ANAPC1: variants seen among roughly 807,000 people sequenced by gnomAD.
The protein encoded by ANAPC1 is anaphase promoting complex subunit 1.
A neutral mutation model predicts 208.0 loss-of-function variants in ANAPC1; 36 were observed. The observed-to-expected ratio is 0.17, with a 90% CI of 0.13 to 0.23. The LOEUF is 0.23. Among genes scored for constraint, ANAPC1 ranks in the 10% least tolerant of loss-of-function variants. The pLI is 1.00. For missense variants in ANAPC1, 942 were observed against 2,011.6 expected (o/e 0.47, Z 10.17); for synonymous variants, 378 against 695.2 (o/e 0.54, Z 7.18).
chr2:111,874,236 G>T (rs1223194520), intron 3 of ANAPC1, among the ~76,000 whole-genome samples: 3 of 151,118 alleles, frequency 2.0e-5, no homozygotes, highest in South Asian at 2.1e-4. Context: ...AGCATTTTGT[G>T]TTTTTTTTTA....
In ANAPC1 at chr2:111,832,937, C is replaced by CAAAAAAAAAAAAAAAAAAAAA. The variant is rs908553180; in HGVS notation, c.2476+282_2476+283insTTTTTTTTTTTTTTTTTTTTT. Among the ~76,000 whole-genome samples the CAAAAAAAAAAAAAAAAAAAAA allele has an allele frequency of 1.7e-3, 89 of 53,596 alleles. 9 individuals are homozygous for CAAAAAAAAAAAAAAAAAAAAA. Among genetic ancestry groups the CAAAAAAAAAAAAAAAAAAAAA allele is most frequent in the East Asian group, 7.4e-3 (11 of 1,496 alleles). 35.2% of individuals were successfully genotyped at this position (53,596 alleles called of 152,430 possible). A position where few individuals can be genotyped will look rare whatever the true frequency, so the allele number is the denominator to read the frequency against. On this transcript the variant is annotated intron_variant, in intron 20 of 47. Transcript: ENST00000341068. ...TGGGTGACAGAGCGAGACTCAGTCT[C>CAAAAAAAAAAAAAAAAAAAAA]AAAAAAAAAAAAAAAAAAAGCATCC... is the stretch of plus-strand genomic sequence containing the variant.
intron 20 of ANAPC1, among the ~76,000 whole-genome samples, chr2:111,831,846 A>AAAAAAAAAG (rs4019125): frequency 6.8e-5 from 6 of 88,284 alleles, no homozygotes; most frequent in African/African-American, 1.3e-4. Context: ...AAAAAAAAAA[A>AAAAAAAAAG]GAATAACGTT....
At chr2:111,877,096 CTAAATACT>C (rs1342965528) in intron 3 of ANAPC1, among the ~76,000 whole-genome samples, 1 of 150,834 alleles carries the variant, frequency 6.6e-6, no homozygotes, top group Non-Finnish European at 1.5e-5. Flanking sequence ...CATTTCACCC[CTAAATACT>C]TCACCATGCC....
chr2:111,874,650 A>G (rs912061005), intron 3 of ANAPC1, among the ~76,000 whole-genome samples: 3 of 152,250 alleles, frequency 2.0e-5, no homozygotes, highest in Middle Eastern at 6.8e-3. Context: ...CATATACCAC[A>G]TTTGTTTATC....
Position 111,838,493 on chromosome 2 carries a change from A to G in ANAPC1, c.2060T>C (p.Leu687Pro), listed in dbSNP as rs1680594046. 9 of 1,607,358 alleles carry G rather than the reference A, an allele frequency of 5.6e-6. No individual in the cohort carries two copies. Among genetic ancestry groups the G allele is most frequent in the Non-Finnish European group, 7.6e-6 (9 of 1,178,030 alleles). The change falls in exon 18 of 48, where the codon CTT (leucine) becomes CCT (proline). Residue 687 changes from leucine to proline, a missense_variant. Leu to Pro is a moderately conservative substitution (Grantham distance 98, BLOSUM62 -3). Coordinates refer to ENST00000341068, the MANE Select transcript of ANAPC1 (RefSeq NM_022662.4). ...WTRNFDFEGS[L>P]SPVIAPKKAR... ...TTTTTTGGGCGCAATGACAGGAGAA[A>G]GTGATCCTTCAAAGTCAAACTGAAA...
chr2:111,873,910 TTTAAA>T (rs1241467944), intron 3 of ANAPC1, among the ~76,000 whole-genome samples: 2 of 151,934 alleles, frequency 1.3e-5, no homozygotes. Context: ...GAATTAAAAT[TTTAAA>T]TTAAAAAAAT....
At chr2:111,852,464 CTT>C (rs1681456460) in intron 13 of ANAPC1, among the ~76,000 whole-genome samples, 1 of 152,226 alleles carries the variant, frequency 6.6e-6, no homozygotes, top group East Asian at 1.9e-4. Context: ...CTGCCCTACT[CTT>C]TGCAAACACC....
chr2:111,878,961 T>C lies in ANAPC1; in HGVS notation c.224A>G (p.Gln75Arg). 6.3e-7 allele frequency: 1 copy of C among 1,584,894 alleles called. No individual in the cohort carries two copies. Among genetic ancestry groups the C allele is most frequent in the Non-Finnish European group, 8.5e-7 (1 of 1,171,594 alleles). The change falls in exon 3 of 48, where the codon CAG (glutamine) becomes CGG (arginine). Residue 75 changes from glutamine to arginine, a missense_variant. Coordinates refer to ENST00000341068, the MANE Select transcript of ANAPC1 (RefSeq NM_022662.4). ...TIHEKQKESW[Q>R]LRKGVSEIGE... ...AATTTCACTTACTCCTTTCCTTAAC[T>C]GCCAGCTTTCCTTAAAAATTAACAC... is the stretch of plus-strand genomic sequence containing the variant.
intron 38 of ANAPC1, among the ~76,000 whole-genome samples, chr2:111,792,028 T>A (rs964469326): frequency 6.6e-6 from 1 of 151,796 alleles, no homozygotes; most frequent in African/African-American, 2.4e-5. Context: ...TGGTAAACGA[T>A]TTTGTTTGTG....
At chr2:111,825,367 G>A (rs958057927) in intron 22 of ANAPC1, among the ~76,000 whole-genome samples, 200 bp from the exon 23 acceptor site, 8 of 152,120 alleles carry the variant, frequency 5.3e-5, no homozygotes, top group Admixed American at 1.3e-4. Context: ...CACCCCATGC[G>A]TACCCAAATC....
At chr2:111,875,816 C>A (rs1167190806) in intron 3 of ANAPC1, among the ~76,000 whole-genome samples, 2 of 152,204 alleles carry the variant, frequency 1.3e-5, no homozygotes, top group African/African-American at 2.4e-5. Context: ...AAAAAGTCAT[C>A]TTTTTCCATA....
intron 9 of ANAPC1, among the ~76,000 whole-genome samples, chr2:111,863,294 G>A (rs912847717): frequency 6.6e-6 from 1 of 151,688 alleles, no homozygotes; most frequent in Non-Finnish European, 1.5e-5. Flanking sequence ...AGATCACAAG[G>A]TCAGGAGATC....
intron 34 of ANAPC1, among the ~76,000 whole-genome samples, chr2:111,796,231 AAAAAT>A (rs937499645): frequency 6.7e-6 from 1 of 149,930 alleles, no homozygotes; most frequent in Non-Finnish European, 1.5e-5. Context: ...TCTCAGTCTC[AAAAAT>A]AAAATAAAAT....
intron 1 of ANAPC1, among the ~76,000 whole-genome samples, chr2:111,881,487 G>A (rs563160512): frequency 6.6e-6 from 1 of 152,200 alleles, no homozygotes; most frequent in African/African-American, 2.4e-5. Context: ...TCTAGCCATG[G>A]AACAGTTATG....
rs557045586 is a variant in ANAPC1, at chr2:111,771,357, G to C, written c.5719+984C>G. 9.5e-3 allele frequency among the ~76,000 whole-genome samples: 1,452 copies of C among 152,114 alleles called. 10 individuals are homozygous for C. The highest frequency in any genetic ancestry group is 0.033 in the African/African-American group (1,354 of 41,486). The stretch of plus-strand genomic sequence containing the variant: ...ATATCATTAAGTAACTCAAGGGAAA[G>C]GTATATCCAGAGTCTGAGTTATGAT... On this transcript the variant is annotated intron_variant, in intron 47 of 47. Coordinates refer to ENST00000341068, the MANE Select transcript of ANAPC1 (RefSeq NM_022662.4).
chr2:111,872,069 C>T (rs1682780140), intron 6 of ANAPC1, among the ~76,000 whole-genome samples: 1 of 152,116 alleles, frequency 6.6e-6, no homozygotes, highest in African/African-American at 2.4e-5. Flanking sequence ...AGTCTTCTTC[C>T]AGTTCTCAGG....
At chr2:111,823,663 C>T (rs1266692986) in intron 24 of ANAPC1, among the ~76,000 whole-genome samples, 1 of 152,078 alleles carries the variant, frequency 6.6e-6, no homozygotes, top group Non-Finnish European at 1.5e-5. Context: ...CTTTAAAAAA[C>T]AAAGTTGAGT....
intron 7 of ANAPC1, chr2:111,866,187 GA>G (rs1682399549): frequency 3.6e-6 from 1 of 277,746 alleles, no homozygotes; most frequent in Admixed American, 4.7e-5. Context: ...CTGGGCAACA[GA>G]GCGAGACTCT....
chr2:111,845,011 A>G (rs1402990182), intron 16 of ANAPC1, among the ~76,000 whole-genome samples: 2 of 152,092 alleles, frequency 1.3e-5, no homozygotes, highest in Non-Finnish European at 2.9e-5. Context: ...ATGCCTGGCT[A>G]ATTTTATTTT....
Sources: gnomAD v4.1 joint callset for allele counts (sites outside exome capture counted in the v4.1 genomes callset) on GRCh38, gnomAD v4.1.1 for gene constraint, MANE v1.5 for transcripts, NCBI Gene and HGNC (gene_info 2026-07-23, HGNC 2026-07-21) for gene names.